WSCD1: variants seen among roughly 807,000 people sequenced by gnomAD.
The protein encoded by WSCD1 is WSC domain sialate O sulfotransferase 1.
In WSCD1, 41 loss-of-function variants were observed where a neutral mutation model predicts 60.4. The observed-to-expected ratio is 0.68, with a 90% confidence interval of 0.53 to 0.88. WSCD1 has a LOEUF of 0.88. Among genes scored for constraint, WSCD1 ranks in the 40% least tolerant of loss-of-function variants. The pLI is 0.00. For missense variants in WSCD1, 784 were observed against 796.2 expected, an observed-to-expected ratio of 0.98 and a Z score of 0.18; for synonymous variants, 361 against 332.5, an observed-to-expected ratio of 1.09 and a Z score of -0.93.
intron 3 of WSCD1, among the ~76,000 whole-genome samples, chr17:6,089,169 T>C (rs956568154): frequency 6.6e-6 from 1 of 152,198 alleles, no homozygotes; most frequent in African/African-American, 2.4e-5. Flanking sequence ...AAACTGACGC[T>C]GGAGAAAGAA....
chr17:6,098,604 T>C (rs572715829), intron 5 of WSCD1, among the ~76,000 whole-genome samples: 16 of 152,326 alleles, frequency 1.1e-4, no homozygotes, highest in African/African-American at 3.6e-4. Flanking sequence ...CTCACAACAC[T>C]GGAGCCAGTG....
chr17:6,109,547 C>G, intron 5 of WSCD1, 60 bp from the exon 6 acceptor site: 2 of 1,583,712 alleles, frequency 1.3e-6, no homozygotes, highest in Non-Finnish European at 1.7e-6. Flanking sequence ...TTCCTGAGCC[C>G]TGGGAAGCAT....
chr17:6,107,290 C>T (rs963507216), intron 5 of WSCD1, among the ~76,000 whole-genome samples: 1 of 152,110 alleles, frequency 6.6e-6, no homozygotes, highest in African/African-American at 2.4e-5. Context: ...CATCTGAGGT[C>T]AGGAGTTCAA....
intron 2 of WSCD1, among the ~76,000 whole-genome samples, chr17:6,086,133 G>A (rs1158712796): frequency 6.6e-6 from 1 of 151,770 alleles, no homozygotes; most frequent in East Asian, 1.9e-4. Context: ...GGTCCCTTGG[G>A]TCTTGGTGTG....
rs1245928603 is a variant in WSCD1, at chr17:6,090,445, G to A, written c.667G>A (p.Gly223Arg). ...CAAAGGCGAGAAGGGCTCTGTGTGC[G>A]GGGCTGTGGACCGGCTCTCCGTGTA... ...ECKGEKGSVC[G>R]AVDRLSVYRV... The change falls in exon 4 of 9, where the codon GGG (glycine) becomes AGG (arginine). Residue 223 changes from glycine to arginine, a missense_variant. Coordinates refer to ENST00000317744, the MANE Select transcript of WSCD1 (RefSeq NM_015253.2). The A allele has an allele frequency of 2.5e-6, 4 of 1,613,374 alleles. No individual in the cohort carries two copies. The highest frequency in any genetic ancestry group is 1.1e-5 in the South Asian group (1 of 90,968).
rs562862657 is a variant in WSCD1, at chr17:6,080,951, G to T, written c.293G>T (p.Gly98Val). 3.8e-6 allele frequency: 6 copies of T among 1,560,484 alleles called. No homozygotes were observed. In the African/African-American group the frequency reaches 5.4e-5, roughly 14 times the overall value. The part of the protein sequence containing the change: ...LQSPLTRPRP[G>V]PRWLRSRNSE... The stretch of plus-strand genomic sequence containing the variant: ...AGCCCCCTGACCCGGCCCCGGCCCG[G>T]CCCCCGCTGGCTCCGGAGCCGCAAC... The change falls in exon 2 of 9, where the codon GGC becomes GTC. Residue 98 changes from glycine (G) to valine (V), a missense_variant. Coordinates refer to ENST00000317744, the MANE Select transcript of WSCD1 (RefSeq NM_015253.2). This position sits in a 1 kb window ranked among gnomAD's most constrained non-coding sequence, Gnocchi z 6.6.
At chr17:6,087,865 C>T (rs867555809) in intron 2 of WSCD1, 125 bp from the exon 3 acceptor site, 180 of 685,520 alleles carry the variant, frequency 2.6e-4, no homozygotes, top group Middle Eastern at 8.1e-4. Flanking sequence ...TAGCCTGCAG[C>T]ACTCATCTCC....
chr17:6,097,814 G>A (rs995745359), intron 5 of WSCD1, among the ~76,000 whole-genome samples: 3 of 152,210 alleles, frequency 2.0e-5, no homozygotes, highest in African/African-American at 7.2e-5. Context: ...GATCAGTGAT[G>A]TGTGAGGGGG....
chr17:6,070,948 C>G (rs1340823982), intron 1 of WSCD1, among the ~76,000 whole-genome samples: 1 of 151,900 alleles, frequency 6.6e-6, no homozygotes, highest in Non-Finnish European at 1.5e-5. Flanking sequence ...CCGCGTCCCC[C>G]TCCGGAGTCC....
At position 6,120,950 on chromosome 17, in the gene WSCD1, T is replaced by C; in HGVS notation, c.*289T>C. The C allele has an allele frequency of 2.2e-6, 1 of 449,882 alleles. No individual in the cohort carries two copies. The highest frequency in any genetic ancestry group is 4.0e-6 in the Non-Finnish European group (1 of 248,628). 27.9% of individuals were successfully genotyped at this position (449,882 alleles called of 1,614,324 possible). A position where few individuals can be genotyped will look rare whatever the true frequency, so the allele number is the denominator to read the frequency against. On this transcript the variant is annotated 3_prime_UTR_variant, in exon 9 of 9. Coordinates refer to ENST00000317744, the MANE Select transcript of WSCD1 (RefSeq NM_015253.2). ...ATGCAGAGAAGCCACCCACGTGGGG[T>C]GTGCCAGGCACCCCCAGATACAAAT...
chr17:6,069,368 T>C (rs1224475444), upstream of WSCD1: 4 of 398,778 alleles, frequency 1.0e-5, no homozygotes, highest in Non-Finnish European at 1.8e-5. Context: ...GTGTGACTGT[T>C]CAGCCTCTTT....
chr17:6,104,715 A>T (rs1597366203), intron 5 of WSCD1, among the ~76,000 whole-genome samples: 1 of 152,312 alleles, frequency 6.6e-6, no homozygotes, highest in East Asian at 1.9e-4. Context: ...AGAGACTGGC[A>T]GAGCTAACCT....
chr17:6,117,062 G>A (rs1030303597), intron 7 of WSCD1, among the ~76,000 whole-genome samples: 9 of 152,128 alleles, frequency 5.9e-5, no homozygotes, highest in Non-Finnish European at 1.3e-4. Context: ...TTAAAGACAA[G>A]GTCTGAGTCT....
intron 1 of WSCD1, chr17:6,078,206 A>G (rs924852978): frequency 6.6e-6 from 1 of 152,246 alleles, no homozygotes; most frequent in Admixed American, 6.5e-5. Flanking sequence ...ATCACTGAGC[A>G]TCCACACTCC....
intron 4 of WSCD1, among the ~76,000 whole-genome samples, chr17:6,093,252 T>C (rs765464440): frequency 1.3e-5 from 2 of 152,372 alleles, no homozygotes; most frequent in Non-Finnish European, 2.9e-5. Flanking sequence ...TAGCGGCTCA[T>C]GGACCACTCA....
intron 5 of WSCD1, among the ~76,000 whole-genome samples, chr17:6,096,293 G>A (rs1910420599): frequency 6.6e-6 from 1 of 152,150 alleles, no homozygotes; most frequent in Non-Finnish European, 1.5e-5. Context: ...GTCTGCTGTG[G>A]GTTGAAGGGT....
At chr17:6,072,505 AC>A (rs1268209175) in intron 1 of WSCD1, among the ~76,000 whole-genome samples, 1 of 152,040 alleles carries the variant, frequency 6.6e-6, no homozygotes, top group Non-Finnish European at 1.5e-5. Flanking sequence ...TCCAGCTCAG[AC>A]CCCCATCAGC....
At chr17:6,074,329 C>G (rs1283624482) in intron 1 of WSCD1, among the ~76,000 whole-genome samples, 4 of 152,192 alleles carry the variant, frequency 2.6e-5, no homozygotes, top group African/African-American at 7.2e-5. Context: ...TAGTGGGTCT[C>G]TTGCTTTTTC....
At chr17:6,096,737 C>A (rs1910462125) in intron 5 of WSCD1, among the ~76,000 whole-genome samples, 1 of 152,214 alleles carries the variant, frequency 6.6e-6, no homozygotes, top group African/African-American at 2.4e-5. Flanking sequence ...CAGCTGCCGG[C>A]CCTGCTGGTG....
Sources: allele counts gnomAD v4.1 joint callset (sites outside exome capture counted in the v4.1 genomes callset), GRCh38; gene constraint gnomAD v4.1.1; non-coding constraint Gnocchi (gnomAD v3.1); transcripts MANE v1.5; gene names NCBI Gene and HGNC (gene_info 2026-07-23, HGNC 2026-07-21).